Variants in MALRD1 observed in about 807,000 individuals in gnomAD.
The protein encoded by MALRD1 is MAM and LDL-receptor class A domain-containing protein 1.
Under a neutral mutation model 242.1 loss-of-function variants are expected in MALRD1, and 247 were observed. The ratio of observed to expected loss-of-function variants is 1.02; its 90% CI spans 0.92 to 1.13. The LOEUF is 1.13. Among genes scored for constraint, MALRD1 ranks in the 50% most tolerant of loss-of-function variants. The pLI is 0.00. For synonymous variants in MALRD1, 995 were observed against 866.6 expected, an observed-to-expected ratio of 1.15 and a Z score of -2.60; for missense variants, 2,989 against 2,533.1, an observed-to-expected ratio of 1.18 and a Z score of -3.86.
At chr10:19,426,891 T>A (rs760831025) in intron 28 of MALRD1, among the ~76,000 whole-genome samples, 1 of 152,210 alleles carries the variant, frequency 6.6e-6, no homozygotes, top group Non-Finnish European at 1.5e-5. Flanking sequence ...TCCTTTTAAA[T>A]GTGGTCTCAT....
intron 32 of MALRD1, among the ~76,000 whole-genome samples, chr10:19,567,086 A>G (rs1836288620): frequency 6.6e-6 from 1 of 152,220 alleles, no homozygotes. Flanking sequence ...GTGGTTTTTA[A>G]AATGACTTCT....
chr10:19,430,111 C>CTTTTTTTTTTTTTTTTTT (rs1156254998), intron 28 of MALRD1, among the ~76,000 whole-genome samples: 4 of 83,524 alleles, frequency 4.8e-5, no homozygotes, highest in African/African-American at 1.5e-4. Flanking sequence ...CTCCATTTTC[C>CTTTTTTTTTTTTTTTTTT]TTTTTTTTTT....
chr10:19,339,959 A>G (rs115112849), intron 24 of MALRD1, among the ~76,000 whole-genome samples: 2,959 of 152,194 alleles, frequency 0.019, 98 homozygotes, highest in African/African-American at 0.059. Flanking sequence ...GAAGCAGAAG[A>G]GAGAGAACGA....
At chr10:19,261,904 C>T (rs2131820664) in intron 19 of MALRD1, among the ~76,000 whole-genome samples, 1 of 152,088 alleles carries the variant, frequency 6.6e-6, no homozygotes, top group East Asian at 1.9e-4. Context: ...CTGACTACAA[C>T]TGCAAGATAT....
chr10:19,306,925 A>G (rs369983211), intron 21 of MALRD1, among the ~76,000 whole-genome samples: 1 of 151,540 alleles, frequency 6.6e-6, no homozygotes, highest in East Asian at 2.0e-4. Context: ...GCCTCCCACC[A>G]GGTCCCTCCC....
At chr10:19,464,122 C>T (rs751400602) in intron 29 of MALRD1, among the ~76,000 whole-genome samples, 3 of 152,204 alleles carry the variant, frequency 2.0e-5, no homozygotes, top group African/African-American at 4.8e-5. Context: ...AGTCCTTTGT[C>T]AGAGGTATAT....
intron 31 of MALRD1, among the ~76,000 whole-genome samples, chr10:19,504,430 TC>T (rs140295313): frequency 0.035 from 5,324 of 152,134 alleles, 176 homozygotes; most frequent in African/African-American, 0.087. Context: ...AGAGAGAGAC[TC>T]CCCTACTTCT....
At chr10:19,212,699 A>G (rs114602440) in intron 18 of MALRD1, among the ~76,000 whole-genome samples, 1 of 136,312 alleles carries the variant, frequency 7.3e-6, no homozygotes, top group Non-Finnish European at 1.6e-5. Context: ...CTATTTTTTT[A>G]TTCCCATCAG....
Position 19,489,308 on chromosome 10 carries a change from A to C in MALRD1, c.5030-2209A>C, listed in dbSNP as rs1472430275. 3 of 515,290 alleles carry C rather than the reference A, an allele frequency of 5.8e-6. No homozygotes were observed. The African/African-American group carries it at 5.9e-5, about 10-fold the overall frequency. The allele number at this position is 515,290 out of a possible 1,614,324, so 31.9% of individuals were successfully genotyped here. A position where few individuals can be genotyped will look rare whatever the true frequency, so the allele number is the denominator to read the frequency against. ...ACAGGCCTAAGTGGCTAACCACGAA[A>C]GTAAAGAAGAGTTAACTGCAGAAAA... On this transcript the variant is annotated intron_variant, in intron 29 of 39. Transcript: ENST00000454679.
At chr10:19,421,077 G>C (rs1833702542) in intron 28 of MALRD1, among the ~76,000 whole-genome samples, 1 of 152,224 alleles carries the variant, frequency 6.6e-6, no homozygotes, top group Admixed American at 6.5e-5. Context: ...GGCACAGAGT[G>C]TGGGGTAATG....
chr10:19,680,172 A>G (rs1773815479), intron 36 of MALRD1, among the ~76,000 whole-genome samples: 1 of 152,164 alleles, frequency 6.6e-6, no homozygotes. Context: ...TCCAGAGCTA[A>G]GTTCAAGTCC....
chr10:19,545,391 T>C (rs1473929838), intron 32 of MALRD1, among the ~76,000 whole-genome samples: 1 of 152,204 alleles, frequency 6.6e-6, no homozygotes, highest in Non-Finnish European at 1.5e-5. Context: ...TGCAAAATGC[T>C]AACCTTTTGA....
At position 19,505,867 on chromosome 10, in the gene MALRD1, G is replaced by C. The variant is rs537418092; in HGVS notation, c.5320+7221G>C. 2.0e-5 allele frequency among the ~76,000 whole-genome samples: 3 copies of C among 152,316 alleles called. No individual in the cohort carries two copies. The South Asian group carries it at 6.2e-4, about 32-fold the overall frequency. Reference sequence around the variant, plus strand: ...ATAATTACAGCCTGAAAATGAGTCAGTGTCATAGTTGGGGTTACACAGGAT... The same window carrying C: ...ATAATTACAGCCTGAAAATGAGTCACTGTCATAGTTGGGGTTACACAGGAT... On this transcript the variant is annotated intron_variant, in intron 31 of 39. Coordinates refer to ENST00000454679, the MANE Select transcript of MALRD1 (RefSeq NM_001142308.3).
chr10:19,378,027 A>T (rs184283839), intron 26 of MALRD1, among the ~76,000 whole-genome samples: 3 of 152,228 alleles, frequency 2.0e-5, no homozygotes, highest in Admixed American at 6.5e-5. Flanking sequence ...TTTAAAACAT[A>T]ATTGGATTAA....
rs528781952 is a variant in MALRD1, at chr10:19,689,461, A to C, written c.6138-2821A>C. The stretch of plus-strand genomic sequence containing the variant: ...ACAAGGAAAATTTTCTTCACTATAG[A>C]ACATTTTTCTTCACTATAGAAAAAT... On this transcript the variant is annotated intron_variant, in intron 36 of 39. Coordinates refer to ENST00000454679, the MANE Select transcript of MALRD1 (RefSeq NM_001142308.3). Among the ~76,000 whole-genome samples, 4 of 152,246 alleles carry C rather than the reference A, an allele frequency of 2.6e-5. No homozygotes were observed. The East Asian group carries it at 7.7e-4, about 29-fold the overall frequency.
At chr10:19,731,658 T>G (rs1835302622) in intron 39 of MALRD1, among the ~76,000 whole-genome samples, 1 of 152,214 alleles carries the variant, frequency 6.6e-6, no homozygotes, top group Admixed American at 6.5e-5. Flanking sequence ...TCTCATTCCT[T>G]TCTTTTTATT....
intron 28 of MALRD1, among the ~76,000 whole-genome samples, chr10:19,436,206 C>T (rs1002911978): frequency 3.3e-5 from 5 of 152,136 alleles, no homozygotes; most frequent in East Asian, 1.9e-4. Context: ...ATACTAGAAG[C>T]GACAACTGAG....
chr10:19,222,585 T>C (rs891613954), intron 18 of MALRD1, among the ~76,000 whole-genome samples: 3 of 152,334 alleles, frequency 2.0e-5, no homozygotes, highest in Non-Finnish European at 4.4e-5. Flanking sequence ...ATATCAATCA[T>C]CTTCATCAGA....
chr10:19,076,577 C>T (rs927484189), intron 2 of MALRD1, among the ~76,000 whole-genome samples: 2 of 151,974 alleles, frequency 1.3e-5, no homozygotes, highest in Non-Finnish European at 2.9e-5. Flanking sequence ...TATCTTAACA[C>T]GGTCAAAATT....
Sources: allele counts gnomAD v4.1 joint callset (sites outside exome capture counted in the v4.1 genomes callset), GRCh38; gene constraint gnomAD v4.1.1; transcripts MANE v1.5; gene names NCBI Gene and HGNC (gene_info 2026-07-23, HGNC 2026-07-21).